CREB5: variants seen among roughly 807,000 people sequenced by gnomAD.
CREB5 encodes cyclic AMP-responsive element-binding protein 5.
A neutral mutation model predicts 57.1 loss-of-function variants in CREB5; 19 were observed. The ratio of observed to expected loss-of-function variants is 0.33; its 90% CI spans 0.23 to 0.49. CREB5 has a LOEUF of 0.49. Ranked by LOEUF, CREB5 falls within the 20% of genes least tolerant of loss-of-function variation. CREB5 has a pLI of 0.99. For synonymous variants in CREB5, 238 were observed against 238.3 expected (o/e 1.00, Z 0.01); for missense variants, 579 against 671.6 (o/e 0.86, Z 1.52).
At chr7:28,356,536 T>C (rs1341744971) in intron 1 of CREB5, among the ~76,000 whole-genome samples, 1 of 152,180 alleles carries the variant, frequency 6.6e-6, no homozygotes, top group African/African-American at 2.4e-5. Flanking sequence ...ATCAATAGGC[T>C]TTTGGGGGCG....
At chr7:28,372,233 A>G (rs977891726) in intron 1 of CREB5, among the ~76,000 whole-genome samples, 6 of 152,200 alleles carry the variant, frequency 3.9e-5, no homozygotes, top group African/African-American at 1.4e-4. Flanking sequence ...ATGGCAAATA[A>G]ATTATAGTAA....
Position 28,606,917 on chromosome 7 carries a change from G to A in CREB5, c.464+36380G>A, listed in dbSNP as rs550417515. ...GTGTAGTGATCGGAGAGGGGAATTA[G>A]CATATTCATCATCTCAAATATTTAT... is the stretch of plus-strand genomic sequence containing the variant. On this transcript the variant is annotated intron_variant, in intron 5 of 10. Transcript: ENST00000357727. 5.3e-5 allele frequency among the ~76,000 whole-genome samples: 8 copies of A among 152,230 alleles called. No individual in the cohort carries two copies. The East Asian group carries it at 7.7e-4, about 15-fold the overall frequency.
chr7:28,398,551 T>A (rs1346747844), intron 1 of CREB5, among the ~76,000 whole-genome samples: 1 of 152,240 alleles, frequency 6.6e-6, no homozygotes, highest in Non-Finnish European at 1.5e-5. Context: ...TACTGCTATT[T>A]CCATAGCTAA....
chr7:28,546,593 G>A (rs762963882), intron 4 of CREB5, among the ~76,000 whole-genome samples: 20 of 152,202 alleles, frequency 1.3e-4, no homozygotes, highest in African/African-American at 3.9e-4. Flanking sequence ...AGACCTGCTC[G>A]TATGAGAGGG....
intron 1 of CREB5, among the ~76,000 whole-genome samples, chr7:28,445,865 A>C (rs2128563707): frequency 6.6e-6 from 1 of 152,236 alleles, no homozygotes; most frequent in East Asian, 1.9e-4. Context: ...CTTCTAACAT[A>C]CTTGAGAGGG....
intron 5 of CREB5, among the ~76,000 whole-genome samples, chr7:28,638,325 G>T (rs888452953): frequency 3.4e-5 from 2 of 59,368 alleles, no homozygotes; most frequent in South Asian, 4.7e-4. Flanking sequence ...AGGGCTGGTT[G>T]CTAGGAAGGT....
intron 7 of CREB5, among the ~76,000 whole-genome samples, chr7:28,773,926 G>A (rs372074564): frequency 1.8e-4 from 27 of 152,152 alleles, no homozygotes; most frequent in African/African-American, 6.0e-4. Context: ...TTACAATGTC[G>A]AGGTGGATGG....
chr7:28,816,484 T>A (rs939801911), intron 9 of CREB5, among the ~76,000 whole-genome samples: 14 of 152,224 alleles, frequency 9.2e-5, no homozygotes, highest in African/African-American at 3.1e-4. Flanking sequence ...TCCCAAATAG[T>A]CATTTTTATT....
chr7:28,673,642 A>C (rs1396765815), intron 5 of CREB5, among the ~76,000 whole-genome samples: 1 of 144,954 alleles, frequency 6.9e-6, no homozygotes, highest in African/African-American at 2.6e-5. Flanking sequence ...GTTGACATGA[A>C]GTTTCTCTCT....
In CREB5 at chr7:28,597,342, G is replaced by A. The variant is rs1375998657; in HGVS notation, c.464+26805G>A. Reference sequence around the variant, plus strand: ...GAGAAGAGCACACCTCTTTGCAAATGGAAAGCTGATCTCCTGGTCTTGGTC... The same window carrying A: ...GAGAAGAGCACACCTCTTTGCAAATAGAAAGCTGATCTCCTGGTCTTGGTC... On this transcript the variant is annotated intron_variant, in intron 5 of 10. Transcript: ENST00000357727. Among the ~76,000 whole-genome samples the A allele has an allele frequency of 5.3e-5, 8 of 152,176 alleles. No individual in the cohort carries two copies. The South Asian group carries it at 1.4e-3, about 28-fold the overall frequency.
chr7:28,299,835 C>T (rs890695184), intron 1 of CREB5, among the ~76,000 whole-genome samples: 2 of 152,138 alleles, frequency 1.3e-5, no homozygotes, highest in Admixed American at 6.5e-5. Flanking sequence ...CCAGGGCAAA[C>T]TAATATACAC....
At chr7:28,637,832 T>A (rs1041403606) in intron 5 of CREB5, among the ~76,000 whole-genome samples, 2 of 152,340 alleles carry the variant, frequency 1.3e-5, no homozygotes, top group African/African-American at 4.8e-5. Flanking sequence ...TTATAGTTGT[T>A]ATTTTTTATT....
chr7:28,504,191 T>G (rs1562761175), intron 3 of CREB5, among the ~76,000 whole-genome samples: 1 of 152,002 alleles, frequency 6.6e-6, no homozygotes, highest in African/African-American at 2.4e-5. Context: ...GTGCAGATGT[T>G]AAAAAAAGGG....
At chr7:28,483,703 G>T (rs1430556562) in intron 1 of CREB5, among the ~76,000 whole-genome samples, 1 of 152,082 alleles carries the variant, frequency 6.6e-6, no homozygotes, top group Non-Finnish European at 1.5e-5. Context: ...TTAATAGACT[G>T]GACTTTAATG....
intron 1 of CREB5, among the ~76,000 whole-genome samples, chr7:28,470,478 A>T (rs1031056237): frequency 7.2e-5 from 11 of 152,252 alleles, no homozygotes; most frequent in African/African-American, 2.6e-4. Flanking sequence ...TCATCTGTTG[A>T]TGGACACTTA....
chr7:28,560,863 T>C (rs13245482), intron 4 of CREB5, among the ~76,000 whole-genome samples: 1,009 of 24,152 alleles, frequency 0.042, 130 homozygotes, highest in South Asian at 0.061. Flanking sequence ...TGTGTGCGTG[T>C]GCCTGCGTGC....
intron 1 of CREB5, among the ~76,000 whole-genome samples, chr7:28,480,974 T>TA (rs1221093481): frequency 3.3e-5 from 5 of 151,738 alleles, no homozygotes; most frequent in Admixed American, 6.6e-5. Context: ...ATGGAAAATT[T>TA]AAAAAAAAGA....
intron 7 of CREB5, among the ~76,000 whole-genome samples, chr7:28,802,304 C>G (rs1341582880): frequency 1.3e-5 from 2 of 151,998 alleles, no homozygotes; most frequent in African/African-American, 4.8e-5. Context: ...GTCTACCATC[C>G]TTTCCTCTTG....
At chr7:28,572,238 CTAT>C (rs1224475644) in intron 5 of CREB5, among the ~76,000 whole-genome samples, 1 of 152,198 alleles carries the variant, frequency 6.6e-6, no homozygotes, top group Non-Finnish European at 1.5e-5. Flanking sequence ...GTTTGGTTTT[CTAT>C]TCAAGAAACA....
Sources: gnomAD v4.1 joint callset for allele counts (sites outside exome capture counted in the v4.1 genomes callset) on GRCh38, gnomAD v4.1.1 for gene constraint, MANE v1.5 for transcripts, NCBI Gene and HGNC (gene_info 2026-07-23, HGNC 2026-07-21) for gene names.